The following IPCEF1 variants were observed in gnomAD, a reference collection of about 807,000 sequenced individuals.
IPCEF1 encodes interaction protein for cytohesin exchange factors 1.
Under a neutral mutation model 50.9 loss-of-function variants are expected in IPCEF1, and 31 were observed. That is an observed-to-expected ratio of 0.61 (90% confidence interval 0.46 to 0.82). The LOEUF is 0.82. Among genes scored for constraint, IPCEF1 ranks in the 40% least tolerant of loss-of-function variants. The pLI, the probability that IPCEF1 is intolerant of heterozygous loss-of-function variation, is 0.00. For missense variants in IPCEF1, 458 were observed against 514.0 expected, an observed-to-expected ratio of 0.89 and a Z score of 1.05; for synonymous variants, 181 against 192.0, an observed-to-expected ratio of 0.94 and a Z score of 0.47.
chr6:154,183,968 G>T (rs1031295325), intron 10 of IPCEF1, among the ~76,000 whole-genome samples: 11 of 134,018 alleles, frequency 8.2e-5, no homozygotes, highest in African/African-American at 2.9e-4. Flanking sequence ...TTGTTTTGTG[G>T]TCAGAACATT....
chr6:154,163,571 C>A (rs554469608), intron 11 of IPCEF1, among the ~76,000 whole-genome samples: 5 of 152,244 alleles, frequency 3.3e-5, no homozygotes, highest in African/African-American at 1.2e-4. Flanking sequence ...GGAAGGCAGG[C>A]CTTTTTATCT....
chr6:154,303,477 C>T (rs943551296), intron 1 of IPCEF1, among the ~76,000 whole-genome samples: 6 of 152,302 alleles, frequency 3.9e-5, no homozygotes, highest in Admixed American at 1.3e-4. Context: ...TTCTGCAAAA[C>T]CTCTCCAATT....
intron 1 of IPCEF1, among the ~76,000 whole-genome samples, chr6:154,290,356 G>A (rs147040554): frequency 2.0e-5 from 3 of 152,300 alleles, no homozygotes; most frequent in African/African-American, 7.2e-5. Context: ...GGGTAGGAGA[G>A]ACAGAAACCC....
At chr6:154,161,787 A>G (rs28447085) in intron 11 of IPCEF1, among the ~76,000 whole-genome samples, 2 of 152,124 alleles carry the variant, frequency 1.3e-5, no homozygotes, top group Non-Finnish European at 2.9e-5. Flanking sequence ...GTAGACATTC[A>G]ATTCATGCAT....
chr6:154,239,710 ACT>A (rs1780421703), intron 5 of IPCEF1, among the ~76,000 whole-genome samples: 1 of 129,394 alleles, frequency 7.7e-6, no homozygotes, highest in Non-Finnish European at 1.8e-5. Flanking sequence ...CACTGAAGAA[ACT>A]TTTTTTTTTG....
At chr6:154,291,300 C>T (rs1782507483) in intron 1 of IPCEF1, among the ~76,000 whole-genome samples, 1 of 152,148 alleles carries the variant, frequency 6.6e-6, no homozygotes, top group African/African-American at 2.4e-5. Context: ...ATTTGCATCT[C>T]ACAGAAAAAT....
At chr6:154,281,182 TACAAA>T (rs1455494845) in intron 2 of IPCEF1, among the ~76,000 whole-genome samples, 594 of 18,848 alleles carry the variant, frequency 0.032, 5 homozygotes, top group African/African-American at 0.11. Flanking sequence ...CCTACTAAAA[TACAAA>T]AAAAAAAAAA....
At chr6:154,337,835 G>T (rs918509422) in intron 1 of IPCEF1, among the ~76,000 whole-genome samples, 12 of 152,202 alleles carry the variant, frequency 7.9e-5, no homozygotes, top group Non-Finnish European at 1.6e-4. Flanking sequence ...GGCCCAGGAA[G>T]ACTCGAGTAG....
chr6:154,355,162 G>C (rs975980081), intron 1 of IPCEF1, among the ~76,000 whole-genome samples: 1 of 152,156 alleles, frequency 6.6e-6, no homozygotes, highest in African/African-American at 2.4e-5. Context: ...AAGGATGCAC[G>C]AGTCAAAAGG....
At chr6:154,246,289 T>A (rs1781035919) in intron 5 of IPCEF1, among the ~76,000 whole-genome samples, 1 of 152,136 alleles carries the variant, frequency 6.6e-6, no homozygotes, top group African/African-American at 2.4e-5. Flanking sequence ...ACTATTAGAA[T>A]CCCTCGTGGA....
At chr6:154,191,397 G>A (rs1012843339) in intron 10 of IPCEF1, among the ~76,000 whole-genome samples, 2 of 152,116 alleles carry the variant, frequency 1.3e-5, no homozygotes, top group African/African-American at 2.4e-5. Context: ...CCCCATGCCA[G>A]GCGCGGTGGC....
At chr6:154,343,493 A>G (rs541515392) in intron 1 of IPCEF1, among the ~76,000 whole-genome samples, 1 of 152,234 alleles carries the variant, frequency 6.6e-6, no homozygotes, top group Admixed American at 6.5e-5. Flanking sequence ...AACTTCCAAA[A>G]TGCTCCACTT....
intron 1 of IPCEF1, among the ~76,000 whole-genome samples, chr6:154,308,772 A>G (rs1411623208): frequency 1.3e-5 from 2 of 152,218 alleles, no homozygotes; most frequent in Non-Finnish European, 2.9e-5. Flanking sequence ...ATTACAGCAC[A>G]AAAGGAGTTA....
In IPCEF1 at chr6:154,221,333, A is replaced by C. The variant is rs1778843730; in HGVS notation, c.321-5T>G. 10 of 1,613,164 alleles carry C rather than the reference A, an allele frequency of 6.2e-6. No individual in the cohort carries two copies. Among genetic ancestry groups the C allele is most frequent in the Non-Finnish European group, 7.6e-6 (9 of 1,179,416 alleles). On this transcript the variant is annotated splice_polypyrimidine_tract_variant and splice_region_variant and intron_variant, in intron 6 of 11. Transcript: ENST00000367220. The stretch of plus-strand genomic sequence containing the variant: ...GGATGGCTGATCTTAAAAGCACTTG[A>C]AGGAGGAAAAGCACAAACACATAAA...
chr6:154,315,163 G>A lies in IPCEF1; in HGVS notation c.-61-25407C>T, dbSNP rs561575300. Among the ~76,000 whole-genome samples, 3 of 152,274 alleles carry A rather than the reference G, an allele frequency of 2.0e-5. No individual in the cohort carries two copies. The East Asian group carries it at 5.8e-4, about 29-fold the overall frequency. On this transcript the variant is annotated intron_variant, in intron 1 of 11. Transcript: ENST00000367220. ...TTCCCAAAGTGCTGGGATTATAGGC[G>A]TGAGCCACCATGCCTAGCCCACTAG... is the stretch of plus-strand genomic sequence containing the variant.
intron 5 of IPCEF1, among the ~76,000 whole-genome samples, chr6:154,225,442 C>T (rs758289462): frequency 1.3e-5 from 2 of 152,160 alleles, no homozygotes; most frequent in Non-Finnish European, 2.9e-5. Flanking sequence ...ATACATGCTA[C>T]GTGGATGAAT....
At chr6:154,309,580 C>T (rs1021617436) in intron 1 of IPCEF1, among the ~76,000 whole-genome samples, 5 of 152,098 alleles carry the variant, frequency 3.3e-5, no homozygotes, top group African/African-American at 1.2e-4. Flanking sequence ...AGGTGCCGCC[C>T]TCCTTGTTCT....
At chr6:154,245,883 T>C (rs1163733703) in intron 5 of IPCEF1, among the ~76,000 whole-genome samples, 1 of 152,216 alleles carries the variant, frequency 6.6e-6, no homozygotes, top group Admixed American at 6.5e-5. Flanking sequence ...TTTCTAAGAA[T>C]AACTTTATTT....
At chr6:154,209,432 C>T (rs1204004644) in intron 9 of IPCEF1, among the ~76,000 whole-genome samples, 2 of 152,028 alleles carry the variant, frequency 1.3e-5, no homozygotes, top group Non-Finnish European at 2.9e-5. Context: ...GAGTGCATCA[C>T]TTGAGCTCAG....
Sources: allele counts gnomAD v4.1 joint callset (sites outside exome capture counted in the v4.1 genomes callset), GRCh38; gene constraint gnomAD v4.1.1; transcripts MANE v1.5; gene names NCBI Gene and HGNC (gene_info 2026-07-23, HGNC 2026-07-21).